Variants in ADGRL3 observed in about 807,000 individuals in gnomAD.
ADGRL3 encodes the protein calcium-independent alpha-latrotoxin receptor 3.
Under a neutral mutation model 153.5 loss-of-function variants are expected in ADGRL3, and 62 were observed. That is an observed-to-expected ratio of 0.40 (90% CI 0.33 to 0.50). The LOEUF is 0.50. Among genes scored for constraint, ADGRL3 ranks in the 20% least tolerant of loss-of-function variants. ADGRL3 has a pLI of 0.47. For missense variants in ADGRL3, 1,641 were observed against 1,859.4 expected (o/e 0.88, Z 2.16); for synonymous variants, 710 against 672.5 (o/e 1.06, Z -0.86).
intron 1 of ADGRL3, among the ~76,000 whole-genome samples, chr4:61,370,316 G>A (rs2096494701): frequency 6.6e-6 from 1 of 151,316 alleles, no homozygotes; most frequent in South Asian, 2.1e-4. Flanking sequence ...TTTTAATTGT[G>A]ATGTTAGGGT....
rs1269498563 is a variant in ADGRL3 at position 61,517,459 on chromosome 4, G to T, written c.200G>T (p.Arg67Leu). The T allele has an allele frequency of 1.3e-6, 1 of 796,752 alleles. No homozygotes were observed. Among genetic ancestry groups the T allele is most frequent in the African/African-American group, 1.7e-5 (1 of 59,122 alleles). 49.4% of individuals were successfully genotyped at this position (796,752 alleles called of 1,614,324 possible). A position where few individuals can be genotyped will look rare whatever the true frequency, so the allele number is the denominator to read the frequency against. ...GCTGCTCATCGTGGACAAGGGCCCC[G>T]TGGAGCTACCAGAGGAGTTCGCGGT... is the stretch of plus-strand genomic sequence containing the variant. ...RTAAHRGQGP[R>L]GATRGVRGPG... The change falls in exon 4 of 27, where the codon CGT (arginine) becomes CTT (leucine). Residue 67 changes from arginine (R) to leucine (L), a missense_variant. By Grantham distance (102) the Arg-to-Leu change is moderately radical (BLOSUM62 -2). This residue lies in a region of ADGRL3 where 145 missense variants were observed against 79.1 expected (regional missense o/e 1.83). Coordinates refer to ENST00000683033, the MANE Select transcript of ADGRL3 (RefSeq NM_001387552.1).
At chr4:61,604,799 A>C (rs1248251774) in intron 5 of ADGRL3, among the ~76,000 whole-genome samples, 1 of 152,148 alleles carries the variant, frequency 6.6e-6, no homozygotes, top group Admixed American at 6.6e-5. Context: ...ATAGAAAATA[A>C]CTAAAAAGTG....
At chr4:62,002,078 C>T (rs1282850153) in intron 21 of ADGRL3, among the ~76,000 whole-genome samples, 1 of 151,940 alleles carries the variant, frequency 6.6e-6, no homozygotes, top group African/African-American at 2.4e-5. Flanking sequence ...AGAATCACTG[C>T]AGTGGTCTCC....
chr4:61,314,649 T>A (rs899271955), intron 1 of ADGRL3, among the ~76,000 whole-genome samples: 2 of 152,204 alleles, frequency 1.3e-5, no homozygotes, highest in African/African-American at 4.8e-5. Flanking sequence ...ATTCTATTAG[T>A]TTACTTCTGG....
At chr4:61,956,923 T>C (rs2098969327) in intron 17 of ADGRL3, among the ~76,000 whole-genome samples, 1 of 152,036 alleles carries the variant, frequency 6.6e-6, no homozygotes, top group South Asian at 2.1e-4. Context: ...AATACCATGC[T>C]TTTTGGTTAC....
intron 5 of ADGRL3, among the ~76,000 whole-genome samples, chr4:61,624,681 T>G (rs1342582967): frequency 6.6e-6 from 1 of 152,096 alleles, no homozygotes; most frequent in Non-Finnish European, 1.5e-5. Flanking sequence ...TAGAGTTTAA[T>G]TGTTTTGTGG....
At chr4:61,362,593 A>G (rs892509698) in intron 1 of ADGRL3, among the ~76,000 whole-genome samples, 2 of 152,168 alleles carry the variant, frequency 1.3e-5, no homozygotes, top group East Asian at 1.9e-4. Context: ...TGAAGAAAAG[A>G]AAGTGTTATT....
At position 62,076,672 on chromosome 4, in the gene ADGRL3, T is replaced by G. The variant is rs1747241835; in HGVS notation, c.*5764T>G. The G allele has an allele frequency of 6.6e-6, 1 of 152,012 alleles. No homozygotes were observed. The highest frequency in any genetic ancestry group is 2.1e-4 in the South Asian group (1 of 4,832). 9.4% of individuals were successfully genotyped at this position (152,012 alleles called of 1,614,324 possible). A position where few individuals can be genotyped will look rare whatever the true frequency, so the allele number is the denominator to read the frequency against. On this transcript the variant is annotated 3_prime_UTR_variant, in exon 27 of 27. Transcript: ENST00000683033. ...CATTCTGCTAATTCCACGGGAAACA[T>G]TAAATACTTTAAACACTCTTGAGAT...
chr4:62,013,069 C>T (rs534068493), intron 21 of ADGRL3, among the ~76,000 whole-genome samples: 107 of 152,164 alleles, frequency 7.0e-4, no homozygotes, highest in African/African-American at 2.5e-3. Flanking sequence ...CAAACATTTG[C>T]GACTGTCAGA....
intron 7 of ADGRL3, 21 bp from the exon 8 acceptor site, chr4:61,732,733 T>C: frequency 1.5e-6 from 2 of 1,327,566 alleles, no homozygotes; most frequent in South Asian, 1.7e-5. Flanking sequence ...TTATTTATTT[T>C]AACTGTTTCC....
At chr4:61,652,523 C>G (rs537144266) in intron 5 of ADGRL3, among the ~76,000 whole-genome samples, 3 of 152,148 alleles carry the variant, frequency 2.0e-5, no homozygotes, top group Non-Finnish European at 4.4e-5. Flanking sequence ...TAACCCATCT[C>G]TCCTACATGA....
chr4:61,766,445 AG>A (rs1311324438), intron 8 of ADGRL3, among the ~76,000 whole-genome samples: 1 of 152,160 alleles, frequency 6.6e-6, no homozygotes, highest in Non-Finnish European at 1.5e-5. Flanking sequence ...GAAAGGCTAC[AG>A]GGTGTGGTCC....
At chr4:62,016,525 C>T (rs919556675) in intron 21 of ADGRL3, among the ~76,000 whole-genome samples, 2 of 152,126 alleles carry the variant, frequency 1.3e-5, no homozygotes, top group South Asian at 4.1e-4. Context: ...TACATTAAAT[C>T]TGTTTCTGTG....
At chr4:61,962,865 A>G (rs2098993158) in intron 17 of ADGRL3, among the ~76,000 whole-genome samples, 1 of 152,226 alleles carries the variant, frequency 6.6e-6, no homozygotes, top group Non-Finnish European at 1.5e-5. Flanking sequence ...TTGTTCCCCA[A>G]ATAGTTGAGT....
intron 5 of ADGRL3, among the ~76,000 whole-genome samples, chr4:61,631,925 C>A (rs1048624414): frequency 6.6e-6 from 1 of 152,020 alleles, no homozygotes; most frequent in Non-Finnish European, 1.5e-5. Context: ...CCACACCTGG[C>A]CGCTGAATAT....
intron 8 of ADGRL3, among the ~76,000 whole-genome samples, chr4:61,772,345 G>T (rs1392181171): frequency 1.3e-5 from 2 of 152,132 alleles, no homozygotes; most frequent in Non-Finnish European, 2.9e-5. Flanking sequence ...GTTGTTGAGT[G>T]ACCTAGCCAA....
intron 1 of ADGRL3, among the ~76,000 whole-genome samples, chr4:61,348,007 A>G (rs531551508): frequency 6.6e-6 from 1 of 152,228 alleles, no homozygotes. Flanking sequence ...TATTAAAGGC[A>G]GACAAGGTGA....
At chr4:61,983,669 C>A in intron 19 of ADGRL3, 66 bp downstream of exon 19, 1 of 1,430,502 alleles carries the variant, frequency 7.0e-7, no homozygotes, top group Non-Finnish European at 9.8e-7. Flanking sequence ...TTCTTGGAAG[C>A]AAAGGTCTTT....
chr4:61,234,360 G>A (rs967347600), intron 1 of ADGRL3, among the ~76,000 whole-genome samples: 2 of 152,152 alleles, frequency 1.3e-5, no homozygotes, highest in South Asian at 2.1e-4. Flanking sequence ...TCACTATCAC[G>A]AGAATAGCAT....
Sources: gnomAD v4.1 joint callset for allele counts (sites outside exome capture counted in the v4.1 genomes callset) on GRCh38, gnomAD v4.1.1 for gene constraint, gnomAD v4.1.1 regional missense constraint, MANE v1.5 for transcripts, NCBI Gene and HGNC (gene_info 2026-07-23, HGNC 2026-07-21) for gene names.